CNTN6: variants seen among roughly 807,000 people sequenced by gnomAD.
CNTN6 encodes the protein contactin 6.
In CNTN6, 137 loss-of-function variants were observed where a neutral mutation model predicts 122.8. The ratio of observed to expected loss-of-function variants is 1.12; its 90% confidence interval spans 0.97 to 1.29. CNTN6 has a LOEUF of 1.29. Among genes scored for constraint, CNTN6 ranks in the 50% most tolerant of loss-of-function variants. CNTN6 has a pLI of 0.00. For missense variants in CNTN6, 1,634 were observed against 1,223.4 expected, an observed-to-expected ratio of 1.34 and a Z score of -5.01; for synonymous variants, 570 against 426.0, an observed-to-expected ratio of 1.34 and a Z score of -4.16.
chr3:1,393,885 C>T (rs1694619667), intron 20 of CNTN6, among the ~76,000 whole-genome samples: 1 of 151,986 alleles, frequency 6.6e-6, no homozygotes. Flanking sequence ...ATGATATATA[C>T]ATATATATAT....
Position 1,299,667 on chromosome 3 carries a change from C to T in CNTN6, c.761+1676C>T, listed in dbSNP as rs1218625197. ...TATGTTTCTATTCAGAGGAAGCAAG[C>T]AATTCAAACCCAGGCCCACCTGATT... On this transcript the variant is annotated intron_variant, in intron 7 of 22. Coordinates refer to ENST00000446702, the MANE Select transcript of CNTN6 (RefSeq NM_001289080.2). Among the ~76,000 whole-genome samples the T allele has an allele frequency of 2.0e-5, 3 of 152,254 alleles. No homozygotes were observed. In the East Asian group the frequency reaches 5.8e-4, roughly 29 times the overall value.
At chr3:1,134,159 G>A (rs561519375) in intron 1 of CNTN6, among the ~76,000 whole-genome samples, 12 of 152,250 alleles carry the variant, frequency 7.9e-5, no homozygotes, top group African/African-American at 2.4e-4. Flanking sequence ...CTTTTGATCC[G>A]TTACTTGAAG....
chr3:1,330,077 A>G, intron 11 of CNTN6, 142 bp downstream of exon 11: 1 of 520,690 alleles, frequency 1.9e-6, no homozygotes, highest in Non-Finnish European at 3.2e-6. Context: ...CATTCTTCTC[A>G]TCATAGTAAA....
chr3:1,323,646 C>T (rs189239407), intron 8 of CNTN6, among the ~76,000 whole-genome samples: 3 of 151,756 alleles, frequency 2.0e-5, no homozygotes, highest in Admixed American at 6.6e-5. Context: ...CCATCTATAT[C>T]GTAATTTTAT....
intron 16 of CNTN6, 88 bp downstream of exon 16, chr3:1,374,161 T>C: frequency 3.0e-6 from 4 of 1,352,348 alleles, no homozygotes; most frequent in Non-Finnish European, 9.9e-7. Flanking sequence ...TGTCTTCTAA[T>C]ACTTTTGGCT....
At chr3:1,248,261 C>G (rs975626711) in intron 4 of CNTN6, among the ~76,000 whole-genome samples, 2 of 152,090 alleles carry the variant, frequency 1.3e-5, no homozygotes, top group African/African-American at 4.8e-5. Context: ...ACTTTCTTCT[C>G]TATTTTTGTA....
chr3:1,226,433 G>A (rs2094284767), intron 3 of CNTN6, among the ~76,000 whole-genome samples: 1 of 152,060 alleles, frequency 6.6e-6, no homozygotes, highest in Non-Finnish European at 1.5e-5. Flanking sequence ...GCAGAAGCAG[G>A]AAGATCATTC....
At chr3:1,349,284 C>G (rs974361393) in intron 11 of CNTN6, among the ~76,000 whole-genome samples, 1 of 151,690 alleles carries the variant, frequency 6.6e-6, no homozygotes, top group African/African-American at 2.4e-5. Context: ...GCTTTTTTCC[C>G]TGTAACTATA....
intron 1 of CNTN6, among the ~76,000 whole-genome samples, chr3:1,103,045 G>C (rs925953935): frequency 6.6e-6 from 1 of 151,756 alleles, no homozygotes; most frequent in Non-Finnish European, 1.5e-5. Flanking sequence ...GGCGGAGCTT[G>C]CAGTGAGCCA....
intron 17 of CNTN6, among the ~76,000 whole-genome samples, chr3:1,377,668 C>G (rs762541359): frequency 6.6e-6 from 1 of 152,114 alleles, no homozygotes; most frequent in Non-Finnish European, 1.5e-5. Context: ...TTTTCAGTAT[C>G]TCAGTGCCTC....
intron 2 of CNTN6, among the ~76,000 whole-genome samples, chr3:1,185,800 T>G (rs2125359178): frequency 6.6e-6 from 1 of 152,280 alleles, no homozygotes; most frequent in South Asian, 2.1e-4. Flanking sequence ...TAACATTGAG[T>G]TATTAGTAAT....
At chr3:1,281,541 C>T (rs2313557) in intron 5 of CNTN6, among the ~76,000 whole-genome samples, 1 of 151,314 alleles carries the variant, frequency 6.6e-6, no homozygotes, top group African/African-American at 2.4e-5. Flanking sequence ...CTCTGCTCAC[C>T]ACTACCTCCG....
At position 1,298,005 on chromosome 3, in the gene CNTN6, T is replaced by A. The variant is rs1347642912; in HGVS notation, c.761+14T>A. 6.4e-7 allele frequency: 1 copy of A among 1,558,532 alleles called. No individual in the cohort carries two copies. Among genetic ancestry groups the A allele is most frequent in the South Asian group, 1.2e-5 (1 of 84,134 alleles). The stretch of plus-strand genomic sequence containing the variant: ...TGCCCTTGGAAAGTAAGGTTTTTGT[T>A]TTTGTTTTTGTTTTCCTGGTTGCAT... On this transcript the variant is annotated intron_variant, in intron 7 of 22. Coordinates refer to ENST00000446702, the MANE Select transcript of CNTN6 (RefSeq NM_001289080.2).
intron 2 of CNTN6, among the ~76,000 whole-genome samples, chr3:1,203,825 C>G (rs969745799): frequency 1.3e-5 from 2 of 152,116 alleles, no homozygotes; most frequent in Non-Finnish European, 2.9e-5. Context: ...ATGACCGACT[C>G]CCCCCTATGA....
intron 20 of CNTN6, among the ~76,000 whole-genome samples, chr3:1,388,112 C>CACAG (rs1266302645): frequency 2.6e-5 from 4 of 152,104 alleles, no homozygotes; most frequent in African/African-American, 9.7e-5. Context: ...CGGGGCAGGG[C>CACAG]ACAGACAAAC....
chr3:1,170,456 C>A (rs762159052), intron 2 of CNTN6, among the ~76,000 whole-genome samples: 1 of 152,012 alleles, frequency 6.6e-6, no homozygotes, highest in South Asian at 2.1e-4. Context: ...AATAACAAAC[C>A]TGGGTGTCTA....
intron 2 of CNTN6, among the ~76,000 whole-genome samples, chr3:1,176,892 C>T (rs138674475): frequency 1.3e-5 from 2 of 152,136 alleles, no homozygotes; most frequent in African/African-American, 4.8e-5. Flanking sequence ...TTCTTCATTA[C>T]AAGCAGAGTA....
chr3:1,294,365 T>G (rs1330649023), intron 5 of CNTN6, among the ~76,000 whole-genome samples: 4 of 152,144 alleles, frequency 2.6e-5, no homozygotes, highest in Admixed American at 1.3e-4. Flanking sequence ...ATTCTGTTTG[T>G]TTTATGATGA....
intron 1 of CNTN6, among the ~76,000 whole-genome samples, chr3:1,102,721 C>G (rs2090991381): frequency 6.7e-6 from 1 of 149,758 alleles, no homozygotes; most frequent in African/African-American, 2.4e-5. Flanking sequence ...GGGCGAGACT[C>G]CGTCTCAAAA....
Sources: allele counts gnomAD v4.1 joint callset (sites outside exome capture counted in the v4.1 genomes callset), GRCh38; gene constraint gnomAD v4.1.1; transcripts MANE v1.5; gene names NCBI Gene and HGNC (gene_info 2026-07-23, HGNC 2026-07-21).